Variants in CYTH3 observed in about 807,000 individuals in gnomAD.
The protein encoded by CYTH3 is cytohesin-3.
A neutral mutation model predicts 55.1 loss-of-function variants in CYTH3; 23 were observed. That is an observed-to-expected ratio of 0.42 (90% CI 0.30 to 0.59). CYTH3 has a LOEUF of 0.59. Ranked by LOEUF, CYTH3 falls within the 20% of genes least tolerant of loss-of-function variation. The probability of loss-of-function intolerance (pLI) is 0.20; values close to 1 mark genes in which losing one functional copy is unlikely to be tolerated. For synonymous variants in CYTH3, 249 were observed against 194.9 expected (o/e 1.28, Z -2.31); for missense variants, 413 against 524.8 (o/e 0.79, Z 2.08).
chr7:6,172,712 A>G, intron 6 of CYTH3: 2 of 1,127,704 alleles, frequency 1.8e-6, no homozygotes, highest in Non-Finnish European at 2.2e-6. Context: ...GCCGCACCAG[A>G]CACCCCTCCC....
At chr7:6,247,841 G>A (rs577177394) in intron 1 of CYTH3, among the ~76,000 whole-genome samples, 1 of 151,822 alleles carries the variant, frequency 6.6e-6, no homozygotes, top group African/African-American at 2.4e-5. Context: ...TTGTAGAGAC[G>A]GAGGGCTTAC....
chr7:6,187,535 T>G, intron 3 of CYTH3, 122 bp downstream of exon 3: 3 of 870,950 alleles, frequency 3.4e-6, no homozygotes, highest in East Asian at 4.9e-5. Flanking sequence ...GGAGAGGAAT[T>G]AACAACTCCA....
Position 6,248,440 on chromosome 7 carries a change from C to A in CYTH3, c.34+24034G>T, listed in dbSNP as rs866542438. On this transcript the variant is annotated intron_variant, in intron 1 of 12. Coordinates refer to ENST00000350796, the MANE Select transcript of CYTH3 (RefSeq NM_004227.4). ...TGGGAGCCTCCTTCTCTGAGCCTAT[C>A]GTGTTGCTTTTGTTTTCTAGTTTCT... 4.6e-5 allele frequency among the ~76,000 whole-genome samples: 7 copies of A among 152,146 alleles called. No individual in the cohort carries two copies. The South Asian group carries it at 1.4e-3, about 32-fold the overall frequency.
chr7:6,256,918 G>C (rs1780143906), intron 1 of CYTH3, among the ~76,000 whole-genome samples: 1 of 152,118 alleles, frequency 6.6e-6, no homozygotes, highest in Non-Finnish European at 1.5e-5. Flanking sequence ...AGACCAGTCT[G>C]ACCACAAAAA....
intron 1 of CYTH3, among the ~76,000 whole-genome samples, chr7:6,224,507 A>G (rs1303258465): frequency 6.6e-6 from 1 of 152,236 alleles, no homozygotes; most frequent in East Asian, 1.9e-4. Context: ...AAATGAGTGA[A>G]TGACCTAGCA....
rs138881713 is a variant in CYTH3, at chr7:6,254,670, G to A, written c.34+17804C>T. ...TCACCATGTTGGCCAGGCTGGTCTCGAACTCCTGACCTCAAACAATCTGCG... is the reference window on the plus strand; with the variant it reads ...TCACCATGTTGGCCAGGCTGGTCTCAAACTCCTGACCTCAAACAATCTGCG... On this transcript the variant is annotated intron_variant, in intron 1 of 12. Coordinates refer to ENST00000350796, the MANE Select transcript of CYTH3 (RefSeq NM_004227.4). Among the ~76,000 whole-genome samples, 336 of 152,232 alleles carry A rather than the reference G, an allele frequency of 2.2e-3. 2 individuals are homozygous for A. Among genetic ancestry groups the A allele is most frequent in the African/African-American group, 7.6e-3 (315 of 41,540 alleles).
intron 1 of CYTH3, among the ~76,000 whole-genome samples, chr7:6,250,226 C>G (rs913473670): frequency 3.2e-4 from 48 of 152,122 alleles, no homozygotes; most frequent in African/African-American, 1.1e-3. Flanking sequence ...TAAAAACTTT[C>G]TACAGACAAC....
intron 1 of CYTH3, among the ~76,000 whole-genome samples, chr7:6,204,984 G>A (rs574219531): frequency 2.0e-5 from 3 of 152,128 alleles, no homozygotes; most frequent in Admixed American, 2.0e-4. Flanking sequence ...GGGCAACATG[G>A]CGAAGACCCT....
chr7:6,176,254 ATTTTTTTTTT>A (rs776819156), intron 5 of CYTH3, among the ~76,000 whole-genome samples: 3 of 82,868 alleles, frequency 3.6e-5, no homozygotes, highest in African/African-American at 5.3e-5. Flanking sequence ...AATACAATTG[ATTTTTTTTTT>A]TTTTTTTTTT....
chr7:6,165,497 G>A lies in CYTH3; in HGVS notation c.972+48C>T, dbSNP rs368762520. ...CAGGTTCCCTGCAGGCAGTGAGGATGGCTCCCAGGTGGCTGGCAGGAGAGA... is the reference window on the plus strand; with the variant it reads ...CAGGTTCCCTGCAGGCAGTGAGGATAGCTCCCAGGTGGCTGGCAGGAGAGA... On this transcript the variant is annotated intron_variant, in intron 11 of 12. Coordinates refer to ENST00000350796, the MANE Select transcript of CYTH3 (RefSeq NM_004227.4). 13 of 1,609,998 alleles carry A rather than the reference G, an allele frequency of 8.1e-6. No homozygotes were observed. In the African/African-American group the frequency reaches 1.6e-4, roughly 20 times the overall value.
In CYTH3 at chr7:6,162,708, A is replaced by T. The variant is rs1172441579; in HGVS notation, c.*2236T>A. On this transcript the variant is annotated 3_prime_UTR_variant, in exon 13 of 13. Transcript: ENST00000350796. ...GCCTCTGCATGGCTCCCAGGTGCCC[A>T]CCACCTGGCGAAGCTCATTCACAGA... The T allele has an allele frequency of 1.3e-5, 2 of 152,266 alleles. No individual in the cohort carries two copies. Among genetic ancestry groups the T allele is most frequent in the Non-Finnish European group, 2.9e-5 (2 of 68,070 alleles). The allele number at this position is 152,266 out of a possible 1,614,324, so 9.4% of individuals were successfully genotyped here.
chr7:6,236,164 G>T (rs971779689), intron 1 of CYTH3, among the ~76,000 whole-genome samples: 1 of 152,058 alleles, frequency 6.6e-6, no homozygotes, highest in African/African-American at 2.4e-5. Context: ...AAGGGTTTTA[G>T]AAATGTTAAT....
At chr7:6,251,860 C>T (rs971189424) in intron 1 of CYTH3, among the ~76,000 whole-genome samples, 30 of 152,092 alleles carry the variant, frequency 2.0e-4, no homozygotes, top group Non-Finnish European at 4.0e-4. Flanking sequence ...TTAATAGTCC[C>T]CAAACAGGAC....
At chr7:6,240,000 T>C (rs1453713327) in intron 1 of CYTH3, among the ~76,000 whole-genome samples, 1 of 152,186 alleles carries the variant, frequency 6.6e-6, no homozygotes, top group Non-Finnish European at 1.5e-5. Flanking sequence ...TTTATATATT[T>C]AATGCAATCA....
At position 6,171,029 on chromosome 7, in the gene CYTH3, G is replaced by A. The variant is rs775499682; in HGVS notation, c.563-51C>T. The A allele has an allele frequency of 1.2e-6, 2 of 1,607,212 alleles. No individual in the cohort carries two copies. The highest frequency in any genetic ancestry group is 1.7e-5 in the Admixed American group (1 of 59,574). ...TCAGCCAGAACCTCCAGTGGACAGT[G>A]GGACCCCGCGTGCTGGGGGCCCGCC... On this transcript the variant is annotated intron_variant, in intron 7 of 12. Transcript: ENST00000350796. The surrounding 1 kb of genome is among the most constrained non-coding windows in gnomAD (Gnocchi z 6.7).
At chr7:6,165,949 A>G (rs963127170) in intron 9 of CYTH3, 139 bp from the exon 10 acceptor site, 22 of 799,578 alleles carry the variant, frequency 2.8e-5, no homozygotes, top group Non-Finnish European at 4.2e-5. Context: ...GGTGTCCTTC[A>G]GCGTTCCCAC....
intron 1 of CYTH3, among the ~76,000 whole-genome samples, chr7:6,221,572 T>C (rs1413857995): frequency 6.6e-6 from 1 of 152,234 alleles, no homozygotes; most frequent in Non-Finnish European, 1.5e-5. Context: ...GTCAGCTTCC[T>C]GATTTTGATA....
rs1489028207 is a variant in CYTH3 at position 6,170,197 on chromosome 7, A to T, written c.823+338T>A. 1 of 278,450 alleles carries T rather than the reference A, an allele frequency of 3.6e-6. No homozygotes were observed. Among genetic ancestry groups the T allele is most frequent in the African/African-American group, 2.2e-5 (1 of 45,352 alleles). The allele number at this position is 278,450 out of a possible 1,614,324, so 17.2% of individuals were successfully genotyped here. On this transcript the variant is annotated intron_variant, in intron 9 of 12. Coordinates refer to ENST00000350796, the MANE Select transcript of CYTH3 (RefSeq NM_004227.4). The surrounding 1 kb of genome is among the most constrained non-coding windows in gnomAD (Gnocchi z 7.8). ...ACGCGTCAAAAATCACAGCCACACC[A>T]AACCGAGAGAGGCACACAGGCTCTG...
At chr7:6,195,612 G>A (rs750387722) in intron 1 of CYTH3, among the ~76,000 whole-genome samples, 5 of 151,928 alleles carry the variant, frequency 3.3e-5, no homozygotes, top group South Asian at 2.1e-4. Context: ...CTGCCATCAC[G>A]CCCGGCTAAT....
Sources: allele counts gnomAD v4.1 joint callset (sites outside exome capture counted in the v4.1 genomes callset), GRCh38; gene constraint gnomAD v4.1.1; non-coding constraint Gnocchi (gnomAD v3.1); transcripts MANE v1.5; gene names NCBI Gene and HGNC (gene_info 2026-07-23, HGNC 2026-07-21).